Variants in R3HDM1 observed in about 807,000 individuals in gnomAD.
R3HDM1 encodes R3H domain containing 1, also known as R3H domain-containing protein 1.
A neutral mutation model predicts 141.1 loss-of-function variants in R3HDM1; 46 were observed. The observed-to-expected ratio is 0.33, with a 90% CI of 0.26 to 0.42. The LOEUF (loss-of-function observed/expected upper bound fraction) is 0.42, where lower values mean the gene tolerates loss of function less well. R3HDM1 is among the 10% of genes least tolerant of loss of function. The probability of loss-of-function intolerance (pLI) is 1.00; values close to 1 mark genes in which losing one functional copy is unlikely to be tolerated. For synonymous variants in R3HDM1, 435 were observed against 472.9 expected (o/e 0.92, Z 1.04); for missense variants, 1,184 against 1,368.3 (o/e 0.87, Z 2.12).
rs1000021051 is a variant in R3HDM1 at position 135,599,404 on chromosome 2, T to C, written c.-249-3096T>C. Reference sequence around the variant, plus strand: ...AATAGTAGGAACTGAGATATATACTTGAATGTCTATATTTTGTTCATTTTT... The same window carrying C: ...AATAGTAGGAACTGAGATATATACTCGAATGTCTATATTTTGTTCATTTTT... On this transcript the variant is annotated intron_variant, in intron 1 of 26. Coordinates refer to ENST00000683871, the MANE Select transcript of R3HDM1 (RefSeq NM_001378107.1). 2.0e-5 allele frequency among the ~76,000 whole-genome samples: 3 copies of C among 152,250 alleles called. No individual in the cohort carries two copies. The East Asian group carries it at 5.8e-4, about 29-fold the overall frequency.
At chr2:135,597,336 G>A (rs2059275559) in intron 1 of R3HDM1, 2 of 925,864 alleles carry the variant, frequency 2.2e-6, no homozygotes, top group Non-Finnish European at 2.6e-6. Flanking sequence ...GTGGTTATTT[G>A]GTAAATTTTT....
chr2:135,590,867 C>A, intron 1 of R3HDM1: 1 of 317,298 alleles, frequency 3.2e-6, no homozygotes, highest in Non-Finnish European at 4.6e-6. Flanking sequence ...CCACAAAATG[C>A]TCTTTGACAG....
intron 1 of R3HDM1, among the ~76,000 whole-genome samples, chr2:135,555,995 A>T (rs1352782674): frequency 1.3e-5 from 2 of 152,116 alleles, no homozygotes; most frequent in African/African-American, 4.8e-5. Flanking sequence ...CAACCTGTGC[A>T]GTGGAACAAG....
intron 1 of R3HDM1, among the ~76,000 whole-genome samples, chr2:135,564,241 A>G (rs1194485063): frequency 6.6e-6 from 1 of 152,218 alleles, no homozygotes; most frequent in African/African-American, 2.4e-5. Context: ...ACCATGTGTA[A>G]TATTGTACTT....
intron 20 of R3HDM1, among the ~76,000 whole-genome samples, chr2:135,679,142 C>T (rs2069774076): frequency 1.7e-5 from 2 of 117,534 alleles, no homozygotes; most frequent in South Asian, 6.1e-4. Flanking sequence ...CTTTATTTAA[C>T]AAAATCACTG....
intron 1 of R3HDM1, among the ~76,000 whole-genome samples, chr2:135,555,782 T>G (rs1262578579): frequency 6.6e-6 from 1 of 152,154 alleles, no homozygotes; most frequent in Non-Finnish European, 1.5e-5. Flanking sequence ...TCCTAGCACT[T>G]TGAGATGCCA....
chr2:135,715,523 C>T, intron 23 of R3HDM1, 27 bp from the exon 24 acceptor site: 1 of 1,599,970 alleles, frequency 6.3e-7, no homozygotes, highest in Non-Finnish European at 8.5e-7. Flanking sequence ...AATGCTGACC[C>T]ATTTTCTTGA....
At chr2:135,642,259 T>G (rs1287455316) in intron 15 of R3HDM1, among the ~76,000 whole-genome samples, 1 of 152,106 alleles carries the variant, frequency 6.6e-6, no homozygotes, top group Non-Finnish European at 1.5e-5. Context: ...GATTTTCTAC[T>G]GAGGAAAAGG....
chr2:135,597,747 C>G (rs2059311656), intron 1 of R3HDM1, among the ~76,000 whole-genome samples: 1 of 152,080 alleles, frequency 6.6e-6, no homozygotes, highest in Non-Finnish European at 1.5e-5. Context: ...AATAATGTAA[C>G]TCTTTTTCCC....
chr2:135,573,778 T>C (rs752053640), intron 1 of R3HDM1, among the ~76,000 whole-genome samples: 18 of 152,156 alleles, frequency 1.2e-4, no homozygotes, highest in Non-Finnish European at 2.4e-4. Context: ...CATAGCCAAC[T>C]GTTCCCCCCA....
Position 135,577,058 on chromosome 2 carries a change from C to T in R3HDM1, c.-249-25442C>T, listed in dbSNP as rs551780399. Reference sequence around the variant, plus strand: ...CTGTTACAAAAGAAAAAAAAAAAACCTCCAAACAGGTTAAGAATCTAAATG... The same window carrying T: ...CTGTTACAAAAGAAAAAAAAAAAACTTCCAAACAGGTTAAGAATCTAAATG... On this transcript the variant is annotated intron_variant, in intron 1 of 26. Coordinates refer to ENST00000683871, the MANE Select transcript of R3HDM1 (RefSeq NM_001378107.1). 14 of 904,558 alleles carry T rather than the reference C, an allele frequency of 1.5e-5. No homozygotes were observed. In the South Asian group the frequency reaches 4.6e-4, roughly 30 times the overall value. 56.0% of individuals were successfully genotyped at this position (904,558 alleles called of 1,614,324 possible). A position where few individuals can be genotyped will look rare whatever the true frequency, so the allele number is the denominator to read the frequency against.
chr2:135,607,234 G>A (rs2060152302), intron 3 of R3HDM1: 1 of 752,640 alleles, frequency 1.3e-6, no homozygotes, highest in South Asian at 6.0e-5. Context: ...TGATCCACCT[G>A]CCTCAGCCTC....
At chr2:135,556,870 A>AC (rs1700879488) in intron 1 of R3HDM1, among the ~76,000 whole-genome samples, 1 of 152,116 alleles carries the variant, frequency 6.6e-6, no homozygotes, top group African/African-American at 2.4e-5. Context: ...GAAAAAAAAA[A>AC]CTATTAAAAT....
intron 21 of R3HDM1, among the ~76,000 whole-genome samples, chr2:135,699,054 A>AGATTGATT (rs59248857): frequency 1.1e-5 from 1 of 93,786 alleles, no homozygotes; most frequent in Non-Finnish European, 2.2e-5. Context: ...TAAGATAGAT[A>AGATTGATT]AGATAGATTG....
chr2:135,621,847 A>G, intron 6 of R3HDM1: 1 of 981,542 alleles, frequency 1.0e-6, no homozygotes, highest in Non-Finnish European at 1.2e-6. Flanking sequence ...TTAATCTCTT[A>G]CTGGTCCCTC....
Position 135,645,464 on chromosome 2 carries a change from A to G in R3HDM1, c.1560A>G (p.Gly520=), listed in dbSNP as rs965843134. 5 of 1,613,810 alleles carry G rather than the reference A, an allele frequency of 3.1e-6. No homozygotes were observed. Among genetic ancestry groups the G allele is most frequent in the Admixed American group, 3.3e-5 (2 of 59,984 alleles). Residue 520 remains glycine (G), a synonymous_variant, in exon 16 of 27, where the codon GGA becomes GGG. Transcript: ENST00000683871. The part of the protein sequence containing the change: ...TQQPVRSQVP[G]PPQPPLPAPP... ...AACCAGTTAGATCCCAAGTGCCTGG[A>G]CCTCCACAGCCACCTCTGCCAGCCC...
At chr2:135,714,753 A>G (rs527815846) in intron 23 of R3HDM1, among the ~76,000 whole-genome samples, 3 of 121,288 alleles carry the variant, frequency 2.5e-5, no homozygotes, top group South Asian at 2.6e-4. Flanking sequence ...ATATGTATAT[A>G]TATGGGTGTA....
Position 135,638,479 on chromosome 2 carries a change from TA to T in R3HDM1, c.904-138del, listed in dbSNP as rs1392113105. The T allele has an allele frequency of 6.2e-6, 5 of 811,034 alleles. No homozygotes were observed. The African/African-American group carries it at 8.7e-5, about 14-fold the overall frequency. The allele number at this position is 811,034 out of a possible 1,614,324, so 50.2% of individuals were successfully genotyped here. On this transcript the variant is annotated intron_variant, in intron 11 of 26. Coordinates refer to ENST00000683871, the MANE Select transcript of R3HDM1 (RefSeq NM_001378107.1). Reference sequence around the variant, plus strand: ...CTCCAAACCAGAAAAAAAATTCCATTATTATTTATTTGTGTACCCTTATCAC... The same window carrying T: ...CTCCAAACCAGAAAAAAAATTCCATTTTATTTATTTGTGTACCCTTATCAC...
rs989716343 is a variant in R3HDM1, at chr2:135,531,653, C to T, written c.-250+20C>T. 8 of 986,092 alleles carry T rather than the reference C, an allele frequency of 8.1e-6. No homozygotes were observed. The highest frequency in any genetic ancestry group is 3.5e-5 in the African/African-American group (2 of 57,256). 61.1% of individuals were successfully genotyped at this position (986,092 alleles called of 1,614,324 possible). ...ACGCGGGTAAGAGATGCCCTTCCCT[C>T]CCCCGTCCAGCTCCCCGGGAATAAC... On this transcript the variant is annotated intron_variant, in intron 1 of 26. Transcript: ENST00000683871.
Sources: gnomAD v4.1 joint callset for allele counts (sites outside exome capture counted in the v4.1 genomes callset) on GRCh38, gnomAD v4.1.1 for gene constraint, MANE v1.5 for transcripts, NCBI Gene and HGNC (gene_info 2026-07-23, HGNC 2026-07-21) for gene names.